Variants in PADI2 observed in about 807,000 individuals in gnomAD.
PADI2 encodes peptidyl arginine deiminase 2, also known as protein-arginine deiminase type-2.
In PADI2, 70 loss-of-function variants were observed where a neutral mutation model predicts 81.1. That is an observed-to-expected ratio of 0.86 (90% CI 0.71 to 1.05). The LOEUF (loss-of-function observed/expected upper bound fraction) is 1.05. PADI2 is among the 50% of genes least tolerant of loss of function. PADI2 has a pLI of 0.00. For missense variants in PADI2, 853 were observed against 889.9 expected (o/e 0.96, Z 0.53); for synonymous variants, 338 against 358.0 (o/e 0.94, Z 0.63).
intron 11 of PADI2, among the ~76,000 whole-genome samples, chr1:17,076,269 G>C (rs12134154): frequency 0.6 from 90,603 of 151,242 alleles, 27,530 homozygotes; most frequent in Middle Eastern, 0.7. Flanking sequence ...GGCTGGAGTA[G>C]AGTGGCATGA....
rs742796 is a variant in PADI2 at position 17,084,712 on chromosome 1, G to A, written c.835-10C>T. ...GAGTCAGGGGAATGTCCTGGGTGTG[G>A]GAGACAAGGCGTGGGGGATCAAAAG... is the stretch of plus-strand genomic sequence containing the variant. On this transcript the variant is annotated splice_polypyrimidine_tract_variant and intron_variant, in intron 7 of 15. Coordinates refer to ENST00000375486, the MANE Select transcript of PADI2 (RefSeq NM_007365.3). 0.013 allele frequency: 20,019 copies of A among 1,533,666 alleles called. 2,083 individuals carry two copies. In the African/African-American group the frequency reaches 0.23, roughly 18 times the overall value.
chr1:17,096,661 C>G (rs1457801761), intron 3 of PADI2, among the ~76,000 whole-genome samples: 2 of 152,194 alleles, frequency 1.3e-5, no homozygotes, highest in Admixed American at 1.3e-4. Flanking sequence ...CATCCCTAGG[C>G]CTGCCATGGA....
At chr1:17,094,327 C>T (rs1055721070) in intron 4 of PADI2, among the ~76,000 whole-genome samples, 25 of 152,164 alleles carry the variant, frequency 1.6e-4, no homozygotes, top group African/African-American at 5.8e-4. Flanking sequence ...CCCATCCCGG[C>T]GCCTTTCTGC....
intron 6 of PADI2, among the ~76,000 whole-genome samples, chr1:17,090,864 C>CA (rs1454266424): frequency 2.6e-5 from 4 of 151,956 alleles, no homozygotes; most frequent in African/African-American, 9.7e-5. Flanking sequence ...CTCCCTTTAG[C>CA]AAAAAGAAGA....
chr1:17,080,359 C>A (rs373430119), intron 10 of PADI2, among the ~76,000 whole-genome samples: 53 of 152,320 alleles, frequency 3.5e-4, no homozygotes, highest in Admixed American at 3.3e-4. Flanking sequence ...GGAGCCCCCA[C>A]GTGTGTCTGC....
intron 1 of PADI2, among the ~76,000 whole-genome samples, chr1:17,106,170 C>T (rs1931368253): frequency 6.6e-6 from 1 of 152,150 alleles, no homozygotes; most frequent in South Asian, 2.1e-4. Flanking sequence ...ACCTGACATC[C>T]CCCACCTTCT....
At chr1:17,106,923 G>A (rs953915428) in intron 1 of PADI2, among the ~76,000 whole-genome samples, 18 of 152,056 alleles carry the variant, frequency 1.2e-4, no homozygotes, top group East Asian at 3.9e-4. Flanking sequence ...CCAGAACCCC[G>A]ACCATGCCAC....
At position 17,069,669 on chromosome 1, in the gene PADI2, A is replaced by G. The variant is rs558924569; in HGVS notation, c.1765-392T>C. Among the ~76,000 whole-genome samples, 3 of 152,062 alleles carry G rather than the reference A, an allele frequency of 2.0e-5. No homozygotes were observed. The East Asian group carries it at 5.8e-4, about 29-fold the overall frequency. On this transcript the variant is annotated intron_variant, in intron 15 of 15. Transcript: ENST00000375486. The stretch of plus-strand genomic sequence containing the variant: ...TGCGTGCATGTGTGTTTCTGTGTGC[A>G]TGTGTGTGTATATATGTGTCCATGC...
At chr1:17,100,257 A>G (rs930864458) in intron 3 of PADI2, among the ~76,000 whole-genome samples, 36 of 146,518 alleles carry the variant, frequency 2.5e-4, no homozygotes, top group African/African-American at 9.9e-4. Flanking sequence ...TTGCAATTGA[A>G]TGACTGTCTC....
chr1:17,105,457 A>C (rs1194333200), intron 1 of PADI2, among the ~76,000 whole-genome samples: 1 of 151,892 alleles, frequency 6.6e-6, no homozygotes, highest in Non-Finnish European at 1.5e-5. Flanking sequence ...GTGCAATGGC[A>C]CAATCTCGGC....
rs757882070 is a variant in PADI2 at position 17,082,574 on chromosome 1, G to C, written c.1129C>G (p.Leu377Val). Reference sequence around the variant, plus strand: ...AGCTCCTTCACAGGGAAGTCCTTTAGGTTTCCATCTCGGGGAGAGTCCAGC... The same window carrying C: ...AGCTCCTTCACAGGGAAGTCCTTTACGTTTCCATCTCGGGGAGAGTCCAGC... Reference protein sequence around the residue: ...VVLDSPRDGNLKDFPVKELLG... With the variant: ...VVLDSPRDGNVKDFPVKELLG... The change falls in exon 10 of 16, where the codon CTA becomes GTA. Residue 377 changes from leucine to valine, a missense_variant. Physicochemically the swap from Leu to Val is conservative, Grantham distance 32. Coordinates refer to ENST00000375486, the MANE Select transcript of PADI2 (RefSeq NM_007365.3). The C allele has an allele frequency of 6.2e-7, 1 of 1,613,294 alleles. No homozygotes were observed.
rs1027811541 is a variant in PADI2, at chr1:17,104,817, A to T, written c.276+61T>A. 9 of 1,420,680 alleles carry T rather than the reference A, an allele frequency of 6.3e-6. No homozygotes were observed. In the East Asian group the frequency reaches 1.9e-4, roughly 30 times the overall value. 88.0% of individuals were successfully genotyped at this position (1,420,680 alleles called of 1,614,324 possible). On this transcript the variant is annotated intron_variant, in intron 2 of 15. Transcript: ENST00000375486. Reference sequence around the variant, plus strand: ...AGTTTCTATGGGACAGGGCTGGTCCACCCTGCCTCTATCCTGGCATGGTCC... The same window carrying T: ...AGTTTCTATGGGACAGGGCTGGTCCTCCCTGCCTCTATCCTGGCATGGTCC...
intron 12 of PADI2, chr1:17,075,353 T>TGAA (rs2078294509): frequency 2.9e-6 from 1 of 349,398 alleles, no homozygotes; most frequent in Non-Finnish European, 5.2e-6. Flanking sequence ...TATGTGACTA[T>TGAA]TGAACACTTG....
At chr1:17,085,045 T>C (rs1176453097) in intron 7 of PADI2, among the ~76,000 whole-genome samples, 3 of 152,236 alleles carry the variant, frequency 2.0e-5, no homozygotes, top group Non-Finnish European at 2.9e-5. Context: ...GGTCACACTC[T>C]TAACCACTGT....
intron 1 of PADI2, among the ~76,000 whole-genome samples, chr1:17,110,855 C>T (rs1040045148): frequency 2.0e-5 from 3 of 152,038 alleles, no homozygotes; most frequent in Non-Finnish European, 4.4e-5. Context: ...ATTGGATCTT[C>T]TTGTTTGTTT....
chr1:17,079,336 A>G lies in PADI2; in HGVS notation c.1238T>C (p.Val413Ala), dbSNP rs747334724. Residue 413 changes from valine to alanine, a missense_variant, in exon 11 of 16, where the codon GTC (valine) becomes GCC (alanine). Transcript: ENST00000375486. ...GCCGTTCACGGTCACTGGGGGACTG[A>G]CCTCCAGGTTTCCAAATGAGTCAAG... ...TSLDSFGNLE[V>A]SPPVTVNGKT... 6.8e-6 allele frequency: 11 copies of G among 1,613,792 alleles called. No homozygotes were observed. Among genetic ancestry groups the G allele is most frequent in the Non-Finnish European group, 9.3e-6 (11 of 1,179,856 alleles).
At chr1:17,110,563 A>T (rs1282420311) in intron 1 of PADI2, among the ~76,000 whole-genome samples, 2 of 152,212 alleles carry the variant, frequency 1.3e-5, no homozygotes, top group Non-Finnish European at 2.9e-5. Flanking sequence ...CTACCCATAC[A>T]AGAATATCCA....
Position 17,100,980 on chromosome 1 carries a change from A to AT in PADI2, c.349+2006dup, listed in dbSNP as rs975935418. ...TGGCCACAAATTGTTTTATTGATGT[A>AT]TTTTTTTTTCTTTTTTTTGCCAAGC... is the stretch of plus-strand genomic sequence containing the variant. On this transcript the variant is annotated intron_variant, in intron 3 of 15. Transcript: ENST00000375486. 1.4e-4 allele frequency among the ~76,000 whole-genome samples: 20 copies of AT among 140,678 alleles called. No homozygotes were observed. The East Asian group carries it at 1.5e-3, about 10-fold the overall frequency. 92.3% of individuals were successfully genotyped at this position (140,678 alleles called of 152,430 possible). A position where few individuals can be genotyped will look rare whatever the true frequency, so the allele number is the denominator to read the frequency against.
At chr1:17,105,232 A>G (rs562375867) in intron 1 of PADI2, among the ~76,000 whole-genome samples, 171 bp from the exon 2 acceptor site, 1 of 152,182 alleles carries the variant, frequency 6.6e-6, no homozygotes, top group East Asian at 2.0e-4. Flanking sequence ...CTTTATATAC[A>G]TTAAAAAATT....
Sources: allele counts gnomAD v4.1 joint callset (sites outside exome capture counted in the v4.1 genomes callset), GRCh38; gene constraint gnomAD v4.1.1; transcripts MANE v1.5; gene names NCBI Gene and HGNC (gene_info 2026-07-23, HGNC 2026-07-21).